AGO1: variants seen among roughly 807,000 people sequenced by gnomAD.
AGO1 encodes argonaute RISC component 1.
In AGO1, 11 loss-of-function variants were observed where a neutral mutation model predicts 109.2. That is an observed-to-expected ratio of 0.10 (90% CI 0.06 to 0.17). The LOEUF is 0.17. Ranked by LOEUF, AGO1 falls within the 10% of genes least tolerant of loss-of-function variation. The pLI is 1.00. For synonymous variants in AGO1, 422 were observed against 418.6 expected (o/e 1.01, Z -0.10); for missense variants, 574 against 1,140.3 (o/e 0.50, Z 7.15).
intron 2 of AGO1, among the ~76,000 whole-genome samples, chr1:35,889,062 T>G (rs1401435021): frequency 6.6e-6 from 1 of 150,764 alleles, no homozygotes. Context: ...ATGAATGGGA[T>G]GTCCTTGATG....
intron 3 of AGO1, 79 bp downstream of exon 3, chr1:35,892,756 A>G: frequency 1.3e-6 from 2 of 1,588,102 alleles, no homozygotes; most frequent in Non-Finnish European, 1.7e-6. Flanking sequence ...TTGGAGATCC[A>G]GAGATCCTTT....
chr1:35,903,982 C>T (rs897004929), intron 11 of AGO1, among the ~76,000 whole-genome samples: 1 of 151,784 alleles, frequency 6.6e-6, no homozygotes, highest in African/African-American at 2.4e-5. Flanking sequence ...AAAGTTCTAA[C>T]AGCTCCTGAT....
Position 35,914,239 on chromosome 1 carries a change from C to G in AGO1, c.1798C>G (p.Pro600Ala), listed in dbSNP as rs1284611497. The G allele has an allele frequency of 6.2e-7, 1 of 1,614,188 alleles. No individual in the cohort carries two copies. The highest frequency in any genetic ancestry group is 8.5e-7 in the Non-Finnish European group (1 of 1,180,004). ...IFLGADVTHP[P>A]AGDGKKPSIT... ...CCTGGGAGCAGATGTTACACACCCC[C>G]CAGCAGGGGATGGGAAAAAACCTTC... is the stretch of plus-strand genomic sequence containing the variant. Residue 600 changes from proline to alanine, a missense_variant, in exon 14 of 19, where the codon CCA becomes GCA. Physicochemically the swap from Pro to Ala is conservative, Grantham distance 27. Coordinates refer to ENST00000373204, the MANE Select transcript of AGO1 (RefSeq NM_012199.5).
At chr1:35,885,226 C>T (rs982932246) in intron 1 of AGO1, among the ~76,000 whole-genome samples, 8 of 152,148 alleles carry the variant, frequency 5.3e-5, no homozygotes, top group Non-Finnish European at 1.0e-4. Flanking sequence ...TTCCAACAAC[C>T]CATGAACTAG....
At chr1:35,898,080 A>G (rs890919211) in intron 8 of AGO1, among the ~76,000 whole-genome samples, 3 of 152,120 alleles carry the variant, frequency 2.0e-5, no homozygotes, top group African/African-American at 7.2e-5. Context: ...CATCAGATGG[A>G]TATGTCATAT....
In AGO1 at chr1:35,902,298, G is replaced by A. The variant is rs1645432313; in HGVS notation, c.1358G>A (p.Cys453Tyr). ...GAGATCAAAGTCTGGGCCATCGCCTGCTTCGCACCCCAAAAACAGTGTCGA... is the reference window on the plus strand; with the variant it reads ...GAGATCAAAGTCTGGGCCATCGCCTACTTCGCACCCCAAAAACAGTGTCGA... Reference protein sequence around the residue: ...GIEIKVWAIACFAPQKQCREE... With the variant: ...GIEIKVWAIAYFAPQKQCREE... The change falls in exon 11 of 19, where the codon TGC becomes TAC. Residue 453 changes from cysteine to tyrosine, a missense_variant. This residue lies in a region of AGO1 where 106 missense variants were observed against 147.8 expected (regional missense o/e 0.72). Coordinates refer to ENST00000373204, the MANE Select transcript of AGO1 (RefSeq NM_012199.5). 6.2e-7 allele frequency: 1 copy of A among 1,614,098 alleles called. No individual in the cohort carries two copies. The highest frequency in any genetic ancestry group is 8.5e-7 in the Non-Finnish European group (1 of 1,180,048).
intron 12 of AGO1, 109 bp from the exon 13 acceptor site, chr1:35,913,733 G>A (rs529513575): frequency 5.2e-6 from 6 of 1,164,048 alleles, no homozygotes; most frequent in South Asian, 4.7e-5. Flanking sequence ...GACCTTATGT[G>A]TTTCCTGTCA....
At chr1:35,870,017 T>C (rs1644934502) in intron 1 of AGO1, 2 of 152,144 alleles carry the variant, frequency 1.3e-5, no homozygotes, top group African/African-American at 4.8e-5. Flanking sequence ...GATATTTATA[T>C]ATTTTTCTTT....
intron 8 of AGO1, among the ~76,000 whole-genome samples, chr1:35,900,003 C>T (rs1645385987): frequency 6.6e-6 from 1 of 152,232 alleles, no homozygotes. Context: ...CTGTTCACAG[C>T]ATCCTGAATA....
At position 35,888,896 on chromosome 1, in the gene AGO1, A is replaced by G. The variant is rs1244418952; in HGVS notation, c.209+286A>G. ...AGTACAGTACCTACTACATTTCAAT[A>G]TTAGTTGAATGAATAAAGAGTTTTA... On this transcript the variant is annotated intron_variant, in intron 2 of 18. Coordinates refer to ENST00000373204, the MANE Select transcript of AGO1 (RefSeq NM_012199.5). This position sits in a 1 kb window ranked among gnomAD's most constrained non-coding sequence, Gnocchi z 4.1. Among the ~76,000 whole-genome samples, 1 of 152,260 alleles carries G rather than the reference A, an allele frequency of 6.6e-6. No individual in the cohort carries two copies. The highest frequency in any genetic ancestry group is 1.9e-4 in the East Asian group (1 of 5,202).
intron 12 of AGO1, among the ~76,000 whole-genome samples, chr1:35,910,064 A>G (rs1222196825): frequency 6.7e-6 from 1 of 150,218 alleles, no homozygotes; most frequent in Non-Finnish European, 1.5e-5. Context: ...TTTCATTTAC[A>G]TGCGGTTCCT....
chr1:35,922,763 G>C lies in AGO1; in HGVS notation c.*3156G>C, dbSNP rs1302816968. On this transcript the variant is annotated 3_prime_UTR_variant, in exon 19 of 19. Coordinates refer to ENST00000373204, the MANE Select transcript of AGO1 (RefSeq NM_012199.5). ...AAGCCCAGAGATGTCCACCTGGGCT[G>C]GACTGCCCTCAAGCTTATACTAGAG... is the stretch of plus-strand genomic sequence containing the variant. 6.6e-6 allele frequency: 1 copy of C among 152,336 alleles called. No individual in the cohort carries two copies. The highest frequency in any genetic ancestry group is 2.4e-5 in the African/African-American group (1 of 41,448). The allele number at this position is 152,336 out of a possible 1,614,324, so 9.4% of individuals were successfully genotyped here. A position where few individuals can be genotyped will look rare whatever the true frequency, so the allele number is the denominator to read the frequency against.
At position 35,888,856 on chromosome 1, in the gene AGO1, T is replaced by C. The variant is rs987038463; in HGVS notation, c.209+246T>C. Among the ~76,000 whole-genome samples the C allele has an allele frequency of 2.0e-5, 3 of 152,214 alleles. No individual in the cohort carries two copies. Among genetic ancestry groups the C allele is most frequent in the Non-Finnish European group, 4.4e-5 (3 of 68,038 alleles). On this transcript the variant is annotated intron_variant, in intron 2 of 18. Coordinates refer to ENST00000373204, the MANE Select transcript of AGO1 (RefSeq NM_012199.5). This position sits in a 1 kb window ranked among gnomAD's most constrained non-coding sequence, Gnocchi z 4.1. ...AGTTGAGCTAGTTAATCTAACTACA[T>C]TGAGTTAAGAAATAAGTACAGTACC... is the stretch of plus-strand genomic sequence containing the variant.
At chr1:35,874,884 C>T (rs1644980623) in intron 1 of AGO1, among the ~76,000 whole-genome samples, 3 of 152,184 alleles carry the variant, frequency 2.0e-5, no homozygotes, top group Admixed American at 6.5e-5. Context: ...CCATAACATT[C>T]CCTTAAGCCA....
rs1644990309 is a variant in AGO1 at position 35,876,134 on chromosome 1, A to G, written c.-201+6231A>G. On this transcript the variant is annotated intron_variant, in intron 1 of 18. Transcript: ENST00000373206. ...TTTGAGGGGTTCAAGACATCAGTGGAGGAGATAATTGCAGATGTGGTGGAA... is the reference window on the plus strand; with the variant it reads ...TTTGAGGGGTTCAAGACATCAGTGGGGGAGATAATTGCAGATGTGGTGGAA... 2.0e-5 allele frequency among the ~76,000 whole-genome samples: 3 copies of G among 152,238 alleles called. No individual in the cohort carries two copies. The South Asian group carries it at 6.2e-4, about 31-fold the overall frequency.
intron 15 of AGO1, among the ~76,000 whole-genome samples, chr1:35,915,961 A>G (rs548620056): frequency 1.3e-5 from 2 of 152,270 alleles, no homozygotes; most frequent in South Asian, 4.1e-4. Flanking sequence ...TGGAGACTAC[A>G]TTTGAGGACT....
intron 12 of AGO1, among the ~76,000 whole-genome samples, chr1:35,908,336 AG>A (rs1645563969): frequency 6.6e-6 from 1 of 152,206 alleles, no homozygotes; most frequent in Non-Finnish European, 1.5e-5. Flanking sequence ...GGTATTCTAC[AG>A]GTTCCTATTG....
At chr1:35,912,797 C>T (rs1197374823) in intron 12 of AGO1, among the ~76,000 whole-genome samples, 1 of 152,116 alleles carries the variant, frequency 6.6e-6, no homozygotes, top group African/African-American at 2.4e-5. Context: ...TGTTCTTGAA[C>T]TCCTGACCTC....
At position 35,919,655 on chromosome 1, in the gene AGO1, C is replaced by G; in HGVS notation, c.*48C>G. Reference sequence around the variant, plus strand: ...TGGATAGAAGAAAGCTTTCCAAGCCCCAGGAGCTGTGCCACCCAAATCCAG... The same window carrying G: ...TGGATAGAAGAAAGCTTTCCAAGCCGCAGGAGCTGTGCCACCCAAATCCAG... On this transcript the variant is annotated 3_prime_UTR_variant, in exon 19 of 19. Transcript: ENST00000373204. This position sits in a 1 kb window ranked among gnomAD's most constrained non-coding sequence, Gnocchi z 6.6. 6.4e-7 allele frequency: 1 copy of G among 1,558,242 alleles called. No homozygotes were observed. Among genetic ancestry groups the G allele is most frequent in the East Asian group, 2.3e-5 (1 of 43,932 alleles).
Sources: gnomAD v4.1 joint callset for allele counts (sites outside exome capture counted in the v4.1 genomes callset) on GRCh38, gnomAD v4.1.1 for gene constraint, gnomAD v4.1.1 regional missense constraint, Gnocchi (gnomAD v3.1) non-coding constraint, MANE v1.5 for transcripts, NCBI Gene and HGNC (gene_info 2026-07-23, HGNC 2026-07-21) for gene names.